CSMD1: variants seen among roughly 807,000 people sequenced by gnomAD.
The protein encoded by CSMD1 is CUB and Sushi multiple domains 1.
CSMD1 carries 213 observed loss-of-function variants against 417.5 expected under a neutral mutation model. The observed-to-expected ratio is 0.51, with a 90% CI of 0.46 to 0.57. The LOEUF is 0.57. Among genes scored for constraint, CSMD1 ranks in the 20% least tolerant of loss-of-function variants. The probability of loss-of-function intolerance (pLI) is 0.00; values close to 1 mark genes in which losing one functional copy is unlikely to be tolerated. For synonymous variants in CSMD1, 2,862 were observed against 1,736.8 expected, an observed-to-expected ratio of 1.65 and a Z score of -16.11; for missense variants, 6,923 against 4,529.7, an observed-to-expected ratio of 1.53 and a Z score of -15.17.
chr8:4,039,006 G>A (rs564484223), intron 3 of CSMD1, among the ~76,000 whole-genome samples: 4 of 152,254 alleles, frequency 2.6e-5, no homozygotes, highest in African/African-American at 9.6e-5. Flanking sequence ...ATGGTTAAGT[G>A]GATGTCATAT....
intron 2 of CSMD1, among the ~76,000 whole-genome samples, chr8:4,507,025 C>A (rs1371969105): frequency 6.6e-6 from 1 of 152,000 alleles, no homozygotes; most frequent in African/African-American, 2.4e-5. Context: ...AGGACATTTT[C>A]AAAATTCCTT....
chr8:3,300,952 C>CTTTTTTTTTTTTTTTTTTTTTTTTT, intron 25 of CSMD1, among the ~76,000 whole-genome samples: 3 of 78,656 alleles, frequency 3.8e-5, no homozygotes, highest in African/African-American at 1.6e-4. Flanking sequence ...GAGTGAGACT[C>CTTTTTTTTTTTTTTTTTTTTTTTTT]TGTCTCAAAA....
At chr8:3,852,017 G>C (rs1045157533) in intron 5 of CSMD1, among the ~76,000 whole-genome samples, 2 of 152,116 alleles carry the variant, frequency 1.3e-5, no homozygotes, top group Non-Finnish European at 2.9e-5. Context: ...TCACCGGTGA[G>C]GACAAGTTCC....
At chr8:3,230,653 T>C (rs538892913) in intron 26 of CSMD1, among the ~76,000 whole-genome samples, 4 of 152,164 alleles carry the variant, frequency 2.6e-5, no homozygotes, top group Non-Finnish European at 5.9e-5. Context: ...TTAAGGTCTG[T>C]GCCTTCAAAG....
intron 5 of CSMD1, among the ~76,000 whole-genome samples, chr8:3,896,507 A>G (rs186488050): frequency 6.6e-6 from 1 of 151,100 alleles, no homozygotes; most frequent in Non-Finnish European, 1.5e-5. Context: ...TATTATTACT[A>G]TTATTATTAT....
chr8:3,850,629 A>G (rs1803837050), intron 5 of CSMD1, among the ~76,000 whole-genome samples: 1 of 152,130 alleles, frequency 6.6e-6, no homozygotes, highest in Non-Finnish European at 1.5e-5. Flanking sequence ...TGGGGGGCGG[A>G]GGTTGAGGTG....
chr8:4,540,542 C>T (rs1235236916), intron 2 of CSMD1, among the ~76,000 whole-genome samples: 1 of 151,900 alleles, frequency 6.6e-6, no homozygotes, highest in Non-Finnish European at 1.5e-5. Context: ...CATCTGAAAA[C>T]CTAATGGATG....
chr8:3,434,924 C>A (rs559448961), intron 12 of CSMD1, among the ~76,000 whole-genome samples: 2 of 152,196 alleles, frequency 1.3e-5, no homozygotes, highest in African/African-American at 4.8e-5. Context: ...TCAACTATCA[C>A]GGGCTAGTCA....
chr8:4,202,871 T>G (rs945246822), intron 3 of CSMD1, among the ~76,000 whole-genome samples: 1 of 151,990 alleles, frequency 6.6e-6, no homozygotes, highest in South Asian at 2.1e-4. Context: ...ACCTGAGAAA[T>G]AGAGGGTGTC....
chr8:4,154,875 C>T (rs1796750524), intron 3 of CSMD1, among the ~76,000 whole-genome samples: 1 of 152,170 alleles, frequency 6.6e-6, no homozygotes, highest in Non-Finnish European at 1.5e-5. Flanking sequence ...TCAGCTGCAT[C>T]ACAGTCCACA....
intron 50 of CSMD1, among the ~76,000 whole-genome samples, chr8:3,039,854 T>C (rs1448658152): frequency 6.6e-6 from 1 of 152,172 alleles, no homozygotes; most frequent in African/African-American, 2.4e-5. Flanking sequence ...TTGCCAAATA[T>C]CAGCATTCAT....
chr8:4,096,480 C>A (rs192873704), intron 3 of CSMD1, among the ~76,000 whole-genome samples: 1 of 152,074 alleles, frequency 6.6e-6, no homozygotes, highest in Non-Finnish European at 1.5e-5. Context: ...TGAGGCAATC[C>A]CCATAGGCTC....
chr8:3,995,352 G>C (rs1000363158), intron 5 of CSMD1, among the ~76,000 whole-genome samples: 1 of 151,620 alleles, frequency 6.6e-6, no homozygotes, highest in Non-Finnish European at 1.5e-5. Flanking sequence ...TGACTATTAT[G>C]ATAAACATTA....
chr8:3,070,544 G>A (rs902336242), intron 49 of CSMD1, among the ~76,000 whole-genome samples: 10 of 152,274 alleles, frequency 6.6e-5, no homozygotes, highest in Non-Finnish European at 2.9e-5. Flanking sequence ...TAGGGAAGGG[G>A]AAAGATGCAG....
In CSMD1 at chr8:2,963,364, C is replaced by G. The variant is rs775236619; in HGVS notation, c.9312G>C (p.Gln3104His). The change falls in exon 60 of 70, where the codon CAG becomes CAC. Residue 3104 changes from glutamine (Q) to histidine (H), a missense_variant. Coordinates refer to ENST00000635120, the MANE Select transcript of CSMD1 (RefSeq NM_033225.6). The stretch of plus-strand genomic sequence containing the variant: ...AATCACTTCCCTCCACTGTTCCATT[C>G]TGCACCGGCGGCGGCTGAGGACACA... ...AVLCPQPPPV[Q>H]NGTVEGSDFR... 2.0e-5 allele frequency: 32 copies of G among 1,613,866 alleles called. No individual in the cohort carries two copies. The Admixed American group carries it at 5.3e-4, about 27-fold the overall frequency.
At chr8:3,757,371 T>A (rs931142609) in intron 5 of CSMD1, among the ~76,000 whole-genome samples, 1 of 152,202 alleles carries the variant, frequency 6.6e-6, no homozygotes, top group Non-Finnish European at 1.5e-5. Context: ...AAAATGGCAG[T>A]GGGTGTGTTC....
Position 3,107,730 on chromosome 8 carries a change from C to A in CSMD1, c.6823G>T (p.Asp2275Tyr). The stretch of plus-strand genomic sequence containing the variant: ...AAGAAAGTATTACCTATTTCGAAAT[C>A]ATCATCCTCAGTAAGCATTTCTGCC... ...PQAEMLTEDD[D>Y]FEIGDFVKYQ... Residue 2275 changes from aspartate (D) to tyrosine (Y), a missense_variant, in exon 45 of 70, where the codon GAT becomes TAT. Transcript: ENST00000635120. The A allele has an allele frequency of 6.3e-7, 1 of 1,587,002 alleles. No individual in the cohort carries two copies. Among genetic ancestry groups the A allele is most frequent in the Non-Finnish European group, 8.6e-7 (1 of 1,166,808 alleles).
At chr8:3,707,842 A>G (rs1020275068) in intron 7 of CSMD1, among the ~76,000 whole-genome samples, 1 of 152,190 alleles carries the variant, frequency 6.6e-6, no homozygotes, top group African/African-American at 2.4e-5. Context: ...AGAAGGCACC[A>G]AAATGGCAGG....
At chr8:4,920,427 C>T (rs762897865) in intron 1 of CSMD1, among the ~76,000 whole-genome samples, 8 of 152,072 alleles carry the variant, frequency 5.3e-5, no homozygotes, top group Admixed American at 1.3e-4. Context: ...CTTGAAAATC[C>T]GTTTAATGAC....
Sources: allele counts gnomAD v4.1 joint callset (sites outside exome capture counted in the v4.1 genomes callset), GRCh38; gene constraint gnomAD v4.1.1; transcripts MANE v1.5; gene names NCBI Gene and HGNC (gene_info 2026-07-23, HGNC 2026-07-21).